The following PLSCR1 variants were observed in gnomAD, a reference collection of about 807,000 sequenced individuals.
PLSCR1 encodes PL scramblase 1.
In PLSCR1, 17 loss-of-function variants were observed where a neutral mutation model predicts 37.8. The ratio of observed to expected loss-of-function variants is 0.45; its 90% CI spans 0.31 to 0.68. PLSCR1 has a LOEUF of 0.68. Ranked by LOEUF, PLSCR1 falls within the 30% of genes least tolerant of loss-of-function variation. PLSCR1 has a pLI of 0.06. For synonymous variants in PLSCR1, 116 were observed against 125.9 expected (o/e 0.92, Z 0.53); for missense variants, 347 against 380.9 (o/e 0.91, Z 0.74).
chr3:146,515,981 G>A lies in PLSCR1; in HGVS notation c.*64C>T, dbSNP rs1039303435. On this transcript the variant is annotated 3_prime_UTR_variant, in exon 9 of 9. Coordinates refer to ENST00000342435, the MANE Select transcript of PLSCR1 (RefSeq NM_021105.3). Reference sequence around the variant, plus strand: ...CTTACAGCTTAATTCATACAGGTATGAGTTTAGATAGTCTCAATCAATATA... The same window carrying A: ...CTTACAGCTTAATTCATACAGGTATAAGTTTAGATAGTCTCAATCAATATA... 6 of 987,922 alleles carry A rather than the reference G, an allele frequency of 6.1e-6. No homozygotes were observed. The highest frequency in any genetic ancestry group is 9.6e-6 in the Non-Finnish European group (6 of 621,794). The allele number at this position is 987,922 out of a possible 1,614,324, so 61.2% of individuals were successfully genotyped here. A position where few individuals can be genotyped will look rare whatever the true frequency, so the allele number is the denominator to read the frequency against.
chr3:146,543,787 T>G (rs1443384654), intron 1 of PLSCR1, among the ~76,000 whole-genome samples: 1 of 152,216 alleles, frequency 6.6e-6, no homozygotes, highest in African/African-American at 2.4e-5. Flanking sequence ...GTTACACAAT[T>G]TCAGAGATGA....
intron 5 of PLSCR1, among the ~76,000 whole-genome samples, chr3:146,524,444 A>T (rs1355081520): frequency 6.6e-6 from 1 of 151,896 alleles, no homozygotes; most frequent in African/African-American, 2.4e-5. Flanking sequence ...CAAAAAAAAA[A>T]CTGGAGACAT....
chr3:146,518,116 T>C (rs1056089577), intron 7 of PLSCR1, among the ~76,000 whole-genome samples: 4 of 152,206 alleles, frequency 2.6e-5, no homozygotes, highest in Admixed American at 2.0e-4. Context: ...TTCCCTCTCC[T>C]TCTGTAGGGC....
At chr3:146,531,028 G>A (rs2044190654) in intron 3 of PLSCR1, among the ~76,000 whole-genome samples, 1 of 152,174 alleles carries the variant, frequency 6.6e-6, no homozygotes, top group African/African-American at 2.4e-5. Context: ...ATTAGAATTG[G>A]AGATAAATGC....
chr3:146,535,233 AAT>A (rs1170868923), intron 2 of PLSCR1, among the ~76,000 whole-genome samples: 3 of 151,816 alleles, frequency 2.0e-5, no homozygotes, highest in Admixed American at 1.3e-4. Flanking sequence ...ACATTGTTTG[AAT>A]ACTATAACAT....
At chr3:146,542,976 G>T (rs1054928714) in intron 1 of PLSCR1, among the ~76,000 whole-genome samples, 1 of 152,064 alleles carries the variant, frequency 6.6e-6, no homozygotes, top group Non-Finnish European at 1.5e-5. Flanking sequence ...TATAAGAAAG[G>T]GTTATGGGGC....
intron 5 of PLSCR1, among the ~76,000 whole-genome samples, chr3:146,522,708 A>C (rs1440570963): frequency 6.6e-6 from 1 of 152,138 alleles, no homozygotes; most frequent in Non-Finnish European, 1.5e-5. Flanking sequence ...GGGATTAGTA[A>C]AAGAGGAAGG....
intron 7 of PLSCR1, 62 bp downstream of exon 7, chr3:146,521,482 G>A: frequency 1.4e-6 from 2 of 1,406,012 alleles, no homozygotes; most frequent in South Asian, 1.2e-5. Context: ...ATAATGTCCT[G>A]CAAAATTACA....
At chr3:146,532,081 A>G (rs1446956870) in intron 3 of PLSCR1, among the ~76,000 whole-genome samples, 2 of 152,204 alleles carry the variant, frequency 1.3e-5, no homozygotes, top group Non-Finnish European at 2.9e-5. Context: ...TAGCATCGTT[A>G]TCTTAAGACT....
intron 3 of PLSCR1, among the ~76,000 whole-genome samples, chr3:146,531,483 G>T (rs972424144): frequency 3.9e-5 from 6 of 152,160 alleles, no homozygotes; most frequent in African/African-American, 1.4e-4. Flanking sequence ...TGGGGATATG[G>T]AGATGTGAGT....
intron 4 of PLSCR1, among the ~76,000 whole-genome samples, chr3:146,527,565 T>C (rs1446041574): frequency 6.6e-6 from 1 of 152,206 alleles, no homozygotes; most frequent in Non-Finnish European, 1.5e-5. Context: ...AGATTTTTTT[T>C]TACAAGTTTC....
intron 5 of PLSCR1, among the ~76,000 whole-genome samples, chr3:146,523,237 T>A (rs2044057319): frequency 6.6e-6 from 1 of 152,344 alleles, no homozygotes; most frequent in Admixed American, 6.5e-5. Flanking sequence ...CTTCATTATG[T>A]GAGACACTGG....
chr3:146,528,340 A>G, intron 4 of PLSCR1: 1 of 442,792 alleles, frequency 2.3e-6, no homozygotes, highest in African/African-American at 2.0e-5. Context: ...TACATGTATC[A>G]GGCATACAAC....
chr3:146,519,747 C>A (rs187698775), intron 7 of PLSCR1, among the ~76,000 whole-genome samples: 104 of 152,062 alleles, frequency 6.8e-4, no homozygotes, highest in African/African-American at 2.4e-3. Flanking sequence ...GTATTTGATA[C>A]CTTACTTTTT....
At chr3:146,524,115 T>C (rs2044071858) in intron 5 of PLSCR1, among the ~76,000 whole-genome samples, 1 of 152,164 alleles carries the variant, frequency 6.6e-6, no homozygotes, top group South Asian at 2.1e-4. Context: ...AATAGTCAAA[T>C]GTTTGATGAG....
chr3:146,528,755 G>T lies in PLSCR1; in HGVS notation c.171C>A (p.Gly57=). 6.2e-7 allele frequency: 1 copy of T among 1,614,188 alleles called. No homozygotes were observed. The highest frequency in any genetic ancestry group is 1.1e-5 in the South Asian group (1 of 91,078). ...PPPPAGHSGP[G]PAGFPVPNQP... The stretch of plus-strand genomic sequence containing the variant: ...GATTTGGGACAGGAAAGCCAGCTGG[G>T]CCAGGACCTGAATGGCCGGCTGGTG... The change falls in exon 4 of 9, where the codon GGC becomes GGA. Residue 57 remains glycine (G), a synonymous_variant. Coordinates refer to ENST00000342435, the MANE Select transcript of PLSCR1 (RefSeq NM_021105.3).
rs145242130 is a variant in PLSCR1 at position 146,531,359 on chromosome 3, A to G, written c.94+2111T>C. 5.3e-5 allele frequency among the ~76,000 whole-genome samples: 8 copies of G among 152,364 alleles called. No individual in the cohort carries two copies. The East Asian group carries it at 1.5e-3, about 29-fold the overall frequency. On this transcript the variant is annotated intron_variant, in intron 3 of 8. Coordinates refer to ENST00000342435, the MANE Select transcript of PLSCR1 (RefSeq NM_021105.3). Reference sequence around the variant, plus strand: ...TGAGTTTAGTGTTAGCCTTTATCCTAAAAGTAATAGGCCACTAATAAAATA... The same window carrying G: ...TGAGTTTAGTGTTAGCCTTTATCCTGAAAGTAATAGGCCACTAATAAAATA...
intron 8 of PLSCR1, chr3:146,516,435 T>G (rs62272712): frequency 5.0e-6 from 1 of 198,274 alleles, no homozygotes; most frequent in Non-Finnish European, 1.0e-5. Flanking sequence ...CTATATGAAC[T>G]TCGAAGTTTC....
chr3:146,521,949 A>G lies in PLSCR1; in HGVS notation c.460T>C (p.Cys154Arg). 1 of 1,613,086 alleles carries G rather than the reference A, an allele frequency of 6.2e-7. No homozygotes were observed. The highest frequency in any genetic ancestry group is 8.5e-7 in the Non-Finnish European group (1 of 1,179,034). ...AAGGTAAAAGGTCTAGATGGCCCACAGCAATTTCGGGTACAGCAATCAGTA... is the reference window on the plus strand; with the variant it reads ...AAGGTAAAAGGTCTAGATGGCCCACGGCAATTTCGGGTACAGCAATCAGTA... ...EDTDCCTRNC[C>R]GPSRPFTLRI... Residue 154 changes from cysteine (C) to arginine (R), a missense_variant, in exon 6 of 9, where the codon TGT becomes CGT. Transcript: ENST00000342435.
Sources: gnomAD v4.1 joint callset for allele counts (sites outside exome capture counted in the v4.1 genomes callset) on GRCh38, gnomAD v4.1.1 for gene constraint, MANE v1.5 for transcripts, NCBI Gene and HGNC (gene_info 2026-07-23, HGNC 2026-07-21) for gene names.